Variants in RAB3B observed in about 807,000 individuals in gnomAD.
The protein encoded by RAB3B is ras-related protein Rab-3B.
RAB3B carries 11 observed loss-of-function variants against 20.5 expected under a neutral mutation model. The ratio of observed to expected loss-of-function variants is 0.54; its 90% CI spans 0.34 to 0.89. The LOEUF (loss-of-function observed/expected upper bound fraction) is 0.89. RAB3B is among the 40% of genes least tolerant of loss of function. The pLI is 0.02. For missense variants in RAB3B, 225 were observed against 280.9 expected, an observed-to-expected ratio of 0.80 and a Z score of 1.42; for synonymous variants, 99 against 106.3, an observed-to-expected ratio of 0.93 and a Z score of 0.42.
At chr1:51,945,756 G>A (rs995195752) in intron 2 of RAB3B, among the ~76,000 whole-genome samples, 3 of 152,228 alleles carry the variant, frequency 2.0e-5, no homozygotes, top group African/African-American at 7.2e-5. Context: ...ACCCAGGGCT[G>A]CCTCCAGCCA....
rs60307928 is a variant in RAB3B, at chr1:51,989,103, GCACA to G, written c.-1+1445_-1+1448del. ...CAGGTGGACACCCACCTGTGCGCGC[GCACA>G]CACACACACACACACACACACACAC... On this transcript the variant is annotated intron_variant, in intron 1 of 4. Transcript: ENST00000371655. Among the ~76,000 whole-genome samples the G allele has an allele frequency of 0.011, 1,427 of 132,760 alleles. 91 individuals are homozygous for G. In the East Asian group the frequency reaches 0.15, roughly 14 times the overall value. 87.1% of individuals were successfully genotyped at this position (132,760 alleles called of 152,430 possible).
chr1:51,948,196 T>C (rs750743068), intron 2 of RAB3B, among the ~76,000 whole-genome samples: 17 of 152,142 alleles, frequency 1.1e-4, no homozygotes, highest in Admixed American at 3.3e-4. Flanking sequence ...AACTTAGGCT[T>C]GAAGAGGTGA....
chr1:51,962,917 C>T (rs1358330875), intron 2 of RAB3B, among the ~76,000 whole-genome samples: 1 of 152,040 alleles, frequency 6.6e-6, no homozygotes, highest in Admixed American at 6.6e-5. Context: ...TCATATCACT[C>T]TCTTTCCCTC....
At chr1:51,974,281 T>C (rs957707821) in intron 2 of RAB3B, among the ~76,000 whole-genome samples, 1 of 152,212 alleles carries the variant, frequency 6.6e-6, no homozygotes, top group African/African-American at 2.4e-5. Context: ...TAAATGCATG[T>C]TGACTTTCAC....
chr1:51,979,160 G>A (rs1571980554), intron 1 of RAB3B, among the ~76,000 whole-genome samples: 1 of 152,192 alleles, frequency 6.6e-6, no homozygotes, highest in East Asian at 1.9e-4. Context: ...AGGTTGGAAG[G>A]GAGGGTGCCA....
intron 2 of RAB3B, among the ~76,000 whole-genome samples, chr1:51,947,009 AC>A (rs1441450163): frequency 6.6e-6 from 1 of 152,122 alleles, no homozygotes; most frequent in East Asian, 1.9e-4. Flanking sequence ...TTGAAGGAGG[AC>A]AAGTTTGAGT....
chr1:51,921,283 C>T (rs2124231393), intron 4 of RAB3B, among the ~76,000 whole-genome samples: 1 of 152,326 alleles, frequency 6.6e-6, no homozygotes, highest in South Asian at 2.1e-4. Context: ...GCAACTACTA[C>T]ATGCCAGACA....
intron 1 of RAB3B, among the ~76,000 whole-genome samples, chr1:51,990,175 G>A (rs1314212690): frequency 9.3e-6 from 1 of 107,846 alleles, no homozygotes; most frequent in East Asian, 2.8e-4. Flanking sequence ...CGGCTGCCCG[G>A]TACCACCTTT....
At chr1:51,946,165 C>T (rs1172041931) in intron 2 of RAB3B, among the ~76,000 whole-genome samples, 1 of 152,092 alleles carries the variant, frequency 6.6e-6, no homozygotes, top group East Asian at 1.9e-4. Context: ...AGGGGTAGAG[C>T]CTAGCAGAGC....
chr1:51,986,351 C>T (rs912241170), intron 1 of RAB3B, among the ~76,000 whole-genome samples: 1 of 151,890 alleles, frequency 6.6e-6, no homozygotes. Context: ...GGGGTTTCAC[C>T]GTGTTAGCCA....
intron 4 of RAB3B, among the ~76,000 whole-genome samples, chr1:51,932,604 T>G (rs948417112): frequency 1.4e-4 from 22 of 152,098 alleles, no homozygotes; most frequent in African/African-American, 4.8e-4. Flanking sequence ...TACTATTACT[T>G]TTGTTGTGAA....
chr1:51,944,631 T>A (rs1684540550), intron 2 of RAB3B, among the ~76,000 whole-genome samples: 1 of 152,210 alleles, frequency 6.6e-6, no homozygotes, highest in South Asian at 2.1e-4. Flanking sequence ...CGTCAGTGGA[T>A]GAAGTAACTG....
Position 51,910,214 on chromosome 1 carries a change from AAGAT to A in RAB3B, c.*9709_*9712del, listed in dbSNP as rs1683977839. On this transcript the variant is annotated 3_prime_UTR_variant, in exon 5 of 5. Transcript: ENST00000371655. ...GTGGTCTGATGTCTACAGGGGTTGG[AAGAT>A]AGTTTACTACATGAAATCCTTTAGT... The A allele has an allele frequency of 6.6e-6, 1 of 152,210 alleles. No homozygotes were observed. The highest frequency in any genetic ancestry group is 2.4e-5 in the African/African-American group (1 of 41,458). 9.4% of individuals were successfully genotyped at this position (152,210 alleles called of 1,614,324 possible).
At chr1:51,931,512 A>G (rs563925493) in intron 4 of RAB3B, among the ~76,000 whole-genome samples, 1 of 152,306 alleles carries the variant, frequency 6.6e-6, no homozygotes, top group African/African-American at 2.4e-5. Context: ...ACTGGACAAT[A>G]AAATGAAGTA....
At chr1:51,928,315 C>T (rs1439957099) in intron 4 of RAB3B, among the ~76,000 whole-genome samples, 2 of 152,178 alleles carry the variant, frequency 1.3e-5, no homozygotes, top group Non-Finnish European at 2.9e-5. Flanking sequence ...CCATGTTGGT[C>T]AGGCTGGTCT....
At position 51,926,072 on chromosome 1, in the gene RAB3B, C is replaced by T. The variant is rs116314984; in HGVS notation, c.473-5958G>A. 6.2e-3 allele frequency among the ~76,000 whole-genome samples: 943 copies of T among 152,300 alleles called. 27 individuals are homozygous for T. The South Asian group carries it at 0.093, about 15-fold the overall frequency. ...TTGGCTAGTCCCAGCCAGAAGCTAC[C>T]ATCACAGGAGGCTGGGAAACATAGC... On this transcript the variant is annotated intron_variant, in intron 4 of 4. Transcript: ENST00000371655.
chr1:51,961,650 T>C (rs1277409079), intron 2 of RAB3B, among the ~76,000 whole-genome samples: 2 of 152,160 alleles, frequency 1.3e-5, no homozygotes, highest in South Asian at 4.1e-4. Context: ...AAGTATGTAA[T>C]TGCTGCCCAA....
At position 51,909,964 on chromosome 1, in the gene RAB3B, G is replaced by A. The variant is rs1364054850; in HGVS notation, c.*9963C>T. 1 of 152,164 alleles carries A rather than the reference G, an allele frequency of 6.6e-6. No individual in the cohort carries two copies. The highest frequency in any genetic ancestry group is 1.5e-5 in the Non-Finnish European group (1 of 68,048). 9.4% of individuals were successfully genotyped at this position (152,164 alleles called of 1,614,324 possible). On this transcript the variant is annotated 3_prime_UTR_variant, in exon 5 of 5. Coordinates refer to ENST00000371655, the MANE Select transcript of RAB3B (RefSeq NM_002867.4). ...CTGTGTGTGCACGGCACTGCACTAA[G>A]GGTTTTACACCCATTCTCCATTTAA...
chr1:51,933,217 C>T, intron 4 of RAB3B, 101 bp downstream of exon 4: 1 of 1,287,470 alleles, frequency 7.8e-7, no homozygotes, highest in Non-Finnish European at 1.1e-6. Context: ...ACAATCACAA[C>T]ACTAATGTCA....
Sources: gnomAD v4.1 joint callset for allele counts (sites outside exome capture counted in the v4.1 genomes callset) on GRCh38, gnomAD v4.1.1 for gene constraint, MANE v1.5 for transcripts, NCBI Gene and HGNC (gene_info 2026-07-23, HGNC 2026-07-21) for gene names.